The following LRRC37A2 variants were observed in gnomAD, a reference collection of about 807,000 sequenced individuals.
LRRC37A2 encodes leucine-rich repeat-containing protein 37A2.
LRRC37A2 carries 9 observed loss-of-function variants against 68.8 expected under a neutral mutation model. The ratio of observed to expected loss-of-function variants is 0.13; its 90% CI spans 0.08 to 0.23. LRRC37A2 has a LOEUF of 0.23. Among genes scored for constraint, LRRC37A2 ranks in the 10% least tolerant of loss-of-function variants. The pLI, the probability that LRRC37A2 is intolerant of heterozygous loss-of-function variation, is 1.00. For missense variants in LRRC37A2, 168 were observed against 950.4 expected (o/e 0.18, Z 10.82); for synonymous variants, 63 against 367.6 (o/e 0.17, Z 9.48).
At chr17:46,816,485 A>G in the LRRC37A2 span, among the ~76,000 whole-genome samples, 15,012 of 101,320 alleles carry the variant, frequency 0.15, 831 homozygotes, top group East Asian at 0.39. Context: ...GCACACACAC[A>G]CACACACACA....
At chr17:46,713,467 A>G in the LRRC37A2 span, 1 of 161,942 alleles carries the variant, frequency 6.2e-6, no homozygotes, top group Non-Finnish European at 1.3e-5. Context: ...CCTGCCCCCA[A>G]TATCAGCTCT....
At chr17:46,648,225 AT>A in the LRRC37A2 span, among the ~76,000 whole-genome samples, 1 of 41,876 alleles carries the variant, frequency 2.4e-5, no homozygotes, top group Non-Finnish European at 3.4e-5. Flanking sequence ...ATTTATAAAG[AT>A]TTTTTTTTAA....
chr17:47,043,396 G>A, the LRRC37A2 span, among the ~76,000 whole-genome samples: 2 of 150,464 alleles, frequency 1.3e-5, no homozygotes, highest in African/African-American at 4.8e-5. Flanking sequence ...CTACTCGGGA[G>A]GCTAAGGCAG....
the LRRC37A2 span, among the ~76,000 whole-genome samples, chr17:46,856,510 A>C: frequency 6.8e-6 from 1 of 147,500 alleles, no homozygotes; most frequent in African/African-American, 2.5e-5. Flanking sequence ...TTTGAGATGG[A>C]GTCTCACTAT....
chr17:46,992,528 G>A, the LRRC37A2 span, among the ~76,000 whole-genome samples: 1 of 152,084 alleles, frequency 6.6e-6, no homozygotes, highest in Admixed American at 6.6e-5. Context: ...GCTTCCCCAG[G>A]GGTTCTAATG....
the LRRC37A2 span, among the ~76,000 whole-genome samples, chr17:46,991,032 C>T: frequency 6.6e-6 from 1 of 152,160 alleles, no homozygotes; most frequent in African/African-American, 2.4e-5. Context: ...AGGAATTTAT[C>T]CCATTGCAAT....
At chr17:46,605,592 C>T in the LRRC37A2 span, among the ~76,000 whole-genome samples, 1 of 70,238 alleles carries the variant, frequency 1.4e-5, no homozygotes, top group Non-Finnish European at 2.7e-5. Context: ...AATTGTCAAC[C>T]AAGAATTGTA....
the LRRC37A2 span, among the ~76,000 whole-genome samples, chr17:47,004,426 C>T: frequency 6.6e-6 from 1 of 152,254 alleles, no homozygotes; most frequent in African/African-American, 2.4e-5. Context: ...ACATATGCTC[C>T]TTCCTTGCCT....
At chr17:46,913,798 C>T in the LRRC37A2 span, among the ~76,000 whole-genome samples, 6 of 152,154 alleles carry the variant, frequency 3.9e-5, no homozygotes, top group African/African-American at 7.2e-5. Flanking sequence ...CTCACTCTGT[C>T]GCCCATGCTG....
the LRRC37A2 span, among the ~76,000 whole-genome samples, chr17:46,910,566 C>A: frequency 2.6e-5 from 4 of 152,326 alleles, no homozygotes; most frequent in African/African-American, 2.4e-5. Context: ...AAGACATATG[C>A]ACCTCTTTGT....
At chr17:46,906,057 C>A in the LRRC37A2 span, among the ~76,000 whole-genome samples, 1 of 152,182 alleles carries the variant, frequency 6.6e-6, no homozygotes. Flanking sequence ...GTGCTGACCG[C>A]TGGGTGGTTA....
chr17:46,754,832 C>T, the LRRC37A2 span, among the ~76,000 whole-genome samples: 162 of 152,280 alleles, frequency 1.1e-3, no homozygotes, highest in African/African-American at 3.6e-3. Context: ...AACTATATGA[C>T]GGATACTGAG....
chr17:46,549,362 T>C (rs1197423372), exon 10 of LRRC37A2: 1 of 1,583,720 alleles, frequency 6.3e-7, no homozygotes, highest in Admixed American at 1.8e-5. Context: ...AACACTAACA[T>C]GCCAGAAGGA....
the LRRC37A2 span, among the ~76,000 whole-genome samples, chr17:46,708,757 G>T: frequency 1.4e-5 from 2 of 146,174 alleles, no homozygotes; most frequent in South Asian, 4.3e-4. Context: ...GCCTCCCAGT[G>T]TGCTAGGATT....
At chr17:46,757,494 C>T in the LRRC37A2 span, 7 of 152,322 alleles carry the variant, frequency 4.6e-5, no homozygotes, top group Non-Finnish European at 8.8e-5. Flanking sequence ...TCATATAGAA[C>T]GACATGAACA....
At chr17:46,798,685 ACAGCCAGTGCCT>A in the LRRC37A2 span, among the ~76,000 whole-genome samples, 6 of 152,156 alleles carry the variant, frequency 3.9e-5, no homozygotes, top group Non-Finnish European at 5.9e-5. Context: ...AAGGGCTTAC[ACAGCCAGTGCCT>A]CAGCCATTAA....
the LRRC37A2 span, among the ~76,000 whole-genome samples, chr17:46,834,300 G>A: frequency 1.2e-4 from 19 of 152,200 alleles, no homozygotes; most frequent in Admixed American, 1.2e-3. Context: ...TGGTGTCCTG[G>A]GCAGTGGCTG....
At chr17:47,015,675 A>C in the LRRC37A2 span, among the ~76,000 whole-genome samples, 1 of 152,256 alleles carries the variant, frequency 6.6e-6, no homozygotes, top group Non-Finnish European at 1.5e-5. Flanking sequence ...AAAAAGGAGC[A>C]AAAGTATCAT....
rs1046078807 is a variant in LRRC37A2, at chr17:46,543,353, A to G, written c.3053+2472A>G. Reference sequence around the variant, plus strand: ...TCATTTACAGTCTCAAAGATTTGTCAGTATACTTTAAAACAATCCTGGGAA... The same window carrying G: ...TCATTTACAGTCTCAAAGATTTGTCGGTATACTTTAAAACAATCCTGGGAA... On this transcript the variant is annotated intron_variant, in intron 8 of 14. Coordinates refer to ENST00000576629, the Ensembl canonical transcript of LRRC37A2. Among the ~76,000 whole-genome samples the G allele has an allele frequency of 4.6e-5, 7 of 150,886 alleles. 1 individual carries two copies. The highest frequency in any genetic ancestry group is 3.3e-4 in the Admixed American group (5 of 15,268).
Sources: allele counts gnomAD v4.1 joint callset (sites outside exome capture counted in the v4.1 genomes callset), GRCh38; gene constraint gnomAD v4.1.1; transcripts MANE v1.5; gene names NCBI Gene and HGNC (gene_info 2026-07-23, HGNC 2026-07-21).